Variants in PDZRN3 observed in about 807,000 individuals in gnomAD.
The protein encoded by PDZRN3 is PDZ domain containing ring finger 3, also known as E3 ubiquitin-protein ligase PDZRN3.
Under a neutral mutation model 85.7 loss-of-function variants are expected in PDZRN3, and 38 were observed. That is an observed-to-expected ratio of 0.44 (90% CI 0.34 to 0.58). The LOEUF (loss-of-function observed/expected upper bound fraction) is 0.58. Among genes scored for constraint, PDZRN3 ranks in the 20% least tolerant of loss-of-function variants. The pLI, the probability that PDZRN3 is intolerant of heterozygous loss-of-function variation, is 0.01. For synonymous variants in PDZRN3, 759 were observed against 638.0 expected (o/e 1.19, Z -2.86); for missense variants, 1,629 against 1,506.4 (o/e 1.08, Z -1.35).
intron 3 of PDZRN3, among the ~76,000 whole-genome samples, chr3:73,447,285 G>A (rs551979130): frequency 7.9e-5 from 12 of 151,694 alleles, no homozygotes; most frequent in African/African-American, 2.4e-4. Context: ...TCGTGCCCTC[G>A]GACTCAAGGC....
At chr3:73,553,435 G>A (rs899640157) in intron 3 of PDZRN3, among the ~76,000 whole-genome samples, 7 of 152,062 alleles carry the variant, frequency 4.6e-5, no homozygotes. Flanking sequence ...AATTAGCCGG[G>A]CGTGGTGGCA....
chr3:73,573,619 T>C (rs1184541666), intron 3 of PDZRN3, among the ~76,000 whole-genome samples: 2 of 152,132 alleles, frequency 1.3e-5, no homozygotes, highest in Non-Finnish European at 2.9e-5. Context: ...ATCTGGCTCT[T>C]TACAGGAAAA....
At chr3:73,538,236 C>G (rs1450157300) in intron 3 of PDZRN3, among the ~76,000 whole-genome samples, 1 of 152,208 alleles carries the variant, frequency 6.6e-6, no homozygotes, top group East Asian at 1.9e-4. Context: ...CCACAAAAGA[C>G]ATTCTCTAAT....
At chr3:73,529,233 G>A (rs935674960) in intron 3 of PDZRN3, among the ~76,000 whole-genome samples, 2 of 152,214 alleles carry the variant, frequency 1.3e-5, no homozygotes, top group South Asian at 2.1e-4. Flanking sequence ...GAGCTTGGTG[G>A]TCTAGCTTCT....
chr3:73,508,122 G>T (rs763304752), intron 3 of PDZRN3, among the ~76,000 whole-genome samples: 1 of 151,814 alleles, frequency 6.6e-6, no homozygotes, highest in Non-Finnish European at 1.5e-5. Flanking sequence ...TACCAGCCCT[G>T]TTCCCACTCT....
chr3:73,616,573 G>A (rs1702766299), intron 1 of PDZRN3, among the ~76,000 whole-genome samples: 1 of 152,172 alleles, frequency 6.6e-6, no homozygotes, highest in African/African-American at 2.4e-5. Flanking sequence ...TCCAGAGAAT[G>A]GGTTACTCAG....
intron 9 of PDZRN3, among the ~76,000 whole-genome samples, 166 bp downstream of exon 9, chr3:73,385,503 T>G (rs895297031): frequency 6.6e-6 from 1 of 152,260 alleles, no homozygotes; most frequent in Non-Finnish European, 1.5e-5. Context: ...AGCTTGCATT[T>G]CACTGGTCTG....
At chr3:73,443,843 G>A (rs566187888) in intron 3 of PDZRN3, among the ~76,000 whole-genome samples, 3 of 151,672 alleles carry the variant, frequency 2.0e-5, no homozygotes, top group Non-Finnish European at 4.4e-5. Context: ...AAGTACTTTT[G>A]AAATAAAATC....
At chr3:73,606,487 G>A (rs913732891) in intron 2 of PDZRN3, among the ~76,000 whole-genome samples, 1 of 152,196 alleles carries the variant, frequency 6.6e-6, no homozygotes, top group African/African-American at 2.4e-5. Context: ...CTGGCAGCAA[G>A]GACTAAATCA....
rs746014503 is a variant in PDZRN3 at position 73,384,878 on chromosome 3, T to A, written c.1688A>T (p.Asn563Ile). The change falls in exon 10 of 10, where the codon AAC becomes ATC. Residue 563 changes from asparagine (N) to isoleucine (I), a missense_variant. Physicochemically the swap from Asn to Ile is moderately radical, Grantham distance 149. Coordinates refer to ENST00000263666, the MANE Select transcript of PDZRN3 (RefSeq NM_015009.3). ...GTTDTATILS[N>I]QHEKDSGVGR... ...CACACCGCTGTCCTTCTCGTGCTGG[T>A]TGGACAAGATGGTGGCTGTATCTGT... The A allele has an allele frequency of 6.2e-7, 1 of 1,613,352 alleles. No homozygotes were observed. The highest frequency in any genetic ancestry group is 8.5e-7 in the Non-Finnish European group (1 of 1,179,630).
chr3:73,486,320 A>G (rs988107841), intron 3 of PDZRN3, among the ~76,000 whole-genome samples: 6 of 152,124 alleles, frequency 3.9e-5, no homozygotes, highest in African/African-American at 1.4e-4. Flanking sequence ...CAATCCAGGC[A>G]CAAGTGTACA....
intron 3 of PDZRN3, among the ~76,000 whole-genome samples, chr3:73,453,029 T>A (rs560852020): frequency 1.3e-5 from 2 of 152,104 alleles, no homozygotes; most frequent in African/African-American, 4.8e-5. Context: ...TGCCATTGAA[T>A]ACAAGGAAGA....
At chr3:73,489,551 CCATG>C (rs1165208283) in intron 3 of PDZRN3, among the ~76,000 whole-genome samples, 1 of 135,000 alleles carries the variant, frequency 7.4e-6, no homozygotes, top group African/African-American at 2.7e-5. Flanking sequence ...GCTGTCCTAG[CCATG>C]CATATGGGCA....
At chr3:73,419,589 T>A (rs1702158810) in intron 3 of PDZRN3, among the ~76,000 whole-genome samples, 1 of 152,052 alleles carries the variant, frequency 6.6e-6, no homozygotes, top group Admixed American at 6.6e-5. Context: ...GGGTCAGGGA[T>A]TTTTTTTCCT....
chr3:73,601,438 T>TA (rs2106894927), intron 3 of PDZRN3, among the ~76,000 whole-genome samples: 1 of 152,358 alleles, frequency 6.6e-6, no homozygotes, highest in African/African-American at 2.4e-5. Context: ...TGCACTATAT[T>TA]ACGGCTGTGG....
rs536836688 is a variant in PDZRN3 at position 73,580,381 on chromosome 3, T to G, written c.918+21973A>C. ...ACCACAAAGAATCTGAGCTGAGAGATAACGCAGGCCTCTTGTCTGTTGTGC... is the reference window on the plus strand; with the variant it reads ...ACCACAAAGAATCTGAGCTGAGAGAGAACGCAGGCCTCTTGTCTGTTGTGC... On this transcript the variant is annotated intron_variant, in intron 3 of 9. Transcript: ENST00000263666. 4.6e-5 allele frequency among the ~76,000 whole-genome samples: 7 copies of G among 152,336 alleles called. No homozygotes were observed. The East Asian group carries it at 7.7e-4, about 17-fold the overall frequency.
chr3:73,388,432 CATT>C (rs1249181125), intron 7 of PDZRN3, among the ~76,000 whole-genome samples: 1 of 152,050 alleles, frequency 6.6e-6, no homozygotes, highest in African/African-American at 2.4e-5. Context: ...TATATGTAGA[CATT>C]ATTGGATAAT....
At chr3:73,503,776 G>C (rs1704023374) in intron 3 of PDZRN3, among the ~76,000 whole-genome samples, 1 of 152,140 alleles carries the variant, frequency 6.6e-6, no homozygotes. Context: ...CTTTTTTGGG[G>C]CAGAAAGGTA....
intron 3 of PDZRN3, among the ~76,000 whole-genome samples, chr3:73,484,275 G>C (rs939553240): frequency 1.3e-5 from 2 of 152,228 alleles, no homozygotes; most frequent in Non-Finnish European, 2.9e-5. Flanking sequence ...CCTTAGGTTT[G>C]AGGTATATTG....
Sources: allele counts gnomAD v4.1 joint callset (sites outside exome capture counted in the v4.1 genomes callset), GRCh38; gene constraint gnomAD v4.1.1; transcripts MANE v1.5; gene names NCBI Gene and HGNC (gene_info 2026-07-23, HGNC 2026-07-21).